The following LRRC37A2 variants were observed in gnomAD, a reference collection of about 807,000 sequenced individuals.
LRRC37A2 encodes the protein leucine-rich repeat-containing protein 37A2.
LRRC37A2 carries 9 observed loss-of-function variants against 68.8 expected under a neutral mutation model. That is an observed-to-expected ratio of 0.13 (90% CI 0.08 to 0.23). LRRC37A2 has a LOEUF of 0.23. Ranked by LOEUF, LRRC37A2 falls within the 10% of genes least tolerant of loss-of-function variation. The pLI is 1.00. For missense variants in LRRC37A2, 168 were observed against 950.4 expected (o/e 0.18, Z 10.82); for synonymous variants, 63 against 367.6 (o/e 0.17, Z 9.48).
the LRRC37A2 span, among the ~76,000 whole-genome samples, chr17:46,867,370 G>T: frequency 6.6e-6 from 1 of 152,262 alleles, no homozygotes; most frequent in Non-Finnish European, 1.5e-5. Context: ...AACCCAGGCA[G>T]TCTGGCTCCA....
chr17:46,845,530 C>T, the LRRC37A2 span, among the ~76,000 whole-genome samples: 1 of 146,896 alleles, frequency 6.8e-6, no homozygotes, highest in Non-Finnish European at 1.5e-5. Flanking sequence ...TGCTCTGTCA[C>T]CCTGGCCAGA....
the LRRC37A2 span, among the ~76,000 whole-genome samples, chr17:46,904,876 C>G: frequency 3.3e-5 from 5 of 152,122 alleles, no homozygotes; most frequent in Non-Finnish European, 7.4e-5. Flanking sequence ...CTCTGCTTCT[C>G]CCTTGAAGAT....
chr17:47,014,457 A>G, the LRRC37A2 span, among the ~76,000 whole-genome samples: 1 of 152,162 alleles, frequency 6.6e-6, no homozygotes, highest in African/African-American at 2.4e-5. Context: ...CAGTGTAACC[A>G]TAATTCAAAA....
the LRRC37A2 span, among the ~76,000 whole-genome samples, chr17:46,999,593 G>A: frequency 2.6e-5 from 4 of 151,758 alleles, no homozygotes; most frequent in Non-Finnish European, 5.9e-5. Context: ...CAAGTGATCC[G>A]CCCACCTTGG....
chr17:46,904,178 G>A, the LRRC37A2 span, among the ~76,000 whole-genome samples: 1 of 151,330 alleles, frequency 6.6e-6, no homozygotes, highest in East Asian at 2.0e-4. Context: ...GTAGATGGGT[G>A]GATGGGTGGC....
At chr17:46,752,816 T>C in the LRRC37A2 span, among the ~76,000 whole-genome samples, 6 of 152,082 alleles carry the variant, frequency 3.9e-5, no homozygotes, top group Admixed American at 6.5e-5. Flanking sequence ...TTGCCCAGGC[T>C]TGAGTAGTGG....
At chr17:46,832,206 C>T in the LRRC37A2 span, among the ~76,000 whole-genome samples, 1 of 152,126 alleles carries the variant, frequency 6.6e-6, no homozygotes, top group African/African-American at 2.4e-5. Context: ...CCAAAGGTTG[C>T]CAACTTGAGT....
chr17:46,534,727 G>A (rs2054334046), intron 6 of LRRC37A2, among the ~76,000 whole-genome samples: 1 of 150,098 alleles, frequency 6.7e-6, no homozygotes, highest in Admixed American at 6.6e-5. Context: ...TCCCAGACGG[G>A]GTGGCGGCCG....
chr17:46,899,986 AC>A, the LRRC37A2 span, among the ~76,000 whole-genome samples: 2 of 150,812 alleles, frequency 1.3e-5, no homozygotes, highest in African/African-American at 4.9e-5. Context: ...AAGTCACTCA[AC>A]CCCCGTGAGT....
the LRRC37A2 span, chr17:46,935,627 G>A: frequency 9.8e-7 from 1 of 1,017,690 alleles, no homozygotes; most frequent in Non-Finnish European, 1.2e-6. Flanking sequence ...CCACTGTGCA[G>A]TGTTAGGGCT....
the LRRC37A2 span, among the ~76,000 whole-genome samples, chr17:46,880,007 G>A: frequency 5.9e-5 from 9 of 152,362 alleles, no homozygotes; most frequent in Non-Finnish European, 1.2e-4. Context: ...GCTCTCATTT[G>A]TGTTTTGCTT....
At chr17:47,030,092 ATCATCATCATCATCATCATC>A in the LRRC37A2 span, among the ~76,000 whole-genome samples, 22 of 74,252 alleles carry the variant, frequency 3.0e-4, 1 homozygote, top group African/African-American at 1.1e-3. Flanking sequence ...AATAATAATC[ATCATCATCATCATCATCATC>A]ATCATCATCA....
chr17:46,825,798 C>T, the LRRC37A2 span, among the ~76,000 whole-genome samples: 1 of 152,108 alleles, frequency 6.6e-6, no homozygotes, highest in African/African-American at 2.4e-5. Context: ...CCGAGGTGGG[C>T]GGATCACCTG....
chr17:46,926,033 C>T, the LRRC37A2 span, among the ~76,000 whole-genome samples: 1 of 152,116 alleles, frequency 6.6e-6, no homozygotes, highest in Admixed American at 6.5e-5. Flanking sequence ...ATCGTATGTC[C>T]AGGACACAAG....
At chr17:47,017,181 G>A in the LRRC37A2 span, 25 of 1,610,040 alleles carry the variant, frequency 1.6e-5, no homozygotes, top group Non-Finnish European at 2.0e-5. Context: ...CGAGTGTCTC[G>A]GAGCTGCCAG....
the LRRC37A2 span, among the ~76,000 whole-genome samples, chr17:46,803,824 G>T: frequency 6.6e-6 from 1 of 152,232 alleles, no homozygotes; most frequent in Non-Finnish European, 1.5e-5. Context: ...GGCCTGCAGA[G>T]CCCGGAAGCA....
chr17:46,902,113 A>G, the LRRC37A2 span, among the ~76,000 whole-genome samples: 1 of 152,096 alleles, frequency 6.6e-6, no homozygotes, highest in Non-Finnish European at 1.5e-5. Flanking sequence ...GGGCCGCAAG[A>G]TCTTTACCAC....
chr17:46,712,718 C>T, the LRRC37A2 span, among the ~76,000 whole-genome samples: 2 of 151,700 alleles, frequency 1.3e-5, no homozygotes, highest in African/African-American at 2.4e-5. Context: ...TGGGTTGAGA[C>T]GAAAAGGAGG....
the LRRC37A2 span, among the ~76,000 whole-genome samples, chr17:46,800,028 AGAGT>A: frequency 6.7e-6 from 1 of 149,728 alleles, no homozygotes; most frequent in Non-Finnish European, 1.5e-5. Context: ...GCTGTCCCAG[AGAGT>A]GGGGACCAGC....
Sources: gnomAD v4.1 joint callset for allele counts (sites outside exome capture counted in the v4.1 genomes callset) on GRCh38, gnomAD v4.1.1 for gene constraint, MANE v1.5 for transcripts, NCBI Gene and HGNC (gene_info 2026-07-23, HGNC 2026-07-21) for gene names.